The following OR4K2 variants were observed in gnomAD, a reference collection of about 807,000 sequenced individuals.
The protein encoded by OR4K2 is olfactory receptor 4K2.
A neutral mutation model predicts 10.5 loss-of-function variants in OR4K2; 8 were observed. The observed-to-expected ratio is 0.76, with a 90% CI of 0.45 to 1.37. The LOEUF is 1.37. Among genes scored for constraint, OR4K2 ranks in the 40% most tolerant of loss-of-function variants. The probability of loss-of-function intolerance (pLI) is 0.00; values close to 1 mark genes in which losing one functional copy is unlikely to be tolerated. For synonymous variants in OR4K2, 178 were observed against 133.6 expected (o/e 1.33, Z -2.29); for missense variants, 547 against 379.5 (o/e 1.44, Z -3.67).
Position 19,882,884 on chromosome 14 carries a change from G to A in OR4K2, c.*5672G>A, listed in dbSNP as rs1881073870. ...GCTCTGTCGCCCAGGCTGGAGTGCA[G>A]TAGCGTGATCTCCGCTCATTGCAAA... On this transcript the variant is annotated 3_prime_UTR_variant, in exon 2 of 2. Transcript: ENST00000641885. 1 of 138,610 alleles carries A rather than the reference G, an allele frequency of 7.2e-6. No homozygotes were observed. Among genetic ancestry groups the A allele is most frequent in the African/African-American group, 2.7e-5 (1 of 36,516 alleles). 8.6% of individuals were successfully genotyped at this position (138,610 alleles called of 1,614,324 possible).
chr14:19,883,266 A>G lies in OR4K2; in HGVS notation c.*6054A>G, dbSNP rs889142281. On this transcript the variant is annotated 3_prime_UTR_variant, in exon 2 of 2. Coordinates refer to ENST00000641885, the MANE Select transcript of OR4K2 (RefSeq NM_001005501.2). ...GTCTTGCTTTATCTCTTTGGGAATG[A>G]TAGTGCTGTTGTTGCTGTAGTAGTT... 3 of 152,272 alleles carry G rather than the reference A, an allele frequency of 2.0e-5. No individual in the cohort carries two copies. Among genetic ancestry groups the G allele is most frequent in the Non-Finnish European group, 4.4e-5 (3 of 68,064 alleles). 9.4% of individuals were successfully genotyped at this position (152,272 alleles called of 1,614,324 possible).
chr14:19,877,025 C>T lies in OR4K2; in HGVS notation c.758C>T (p.Pro253Leu). The T allele has an allele frequency of 6.2e-7, 1 of 1,613,532 alleles. No individual in the cohort carries two copies. The highest frequency in any genetic ancestry group is 8.5e-7 in the Non-Finnish European group (1 of 1,179,948). ...HFIVVFLFFG[P>L]CIFIYMWPLS... ...ATTGTTGTCTTCTTGTTCTTTGGGC[C>T]ATGCATCTTCATCTACATGTGGCCA... The change falls in exon 2 of 2, where the codon CCA (proline) becomes CTA (leucine). Residue 253 changes from proline to leucine, a missense_variant. Pro to Leu is a moderately conservative substitution (Grantham distance 98, BLOSUM62 -3). Coordinates refer to ENST00000641885, the MANE Select transcript of OR4K2 (RefSeq NM_001005501.2).
In OR4K2 at chr14:19,877,158, C is replaced by T; in HGVS notation, c.891C>T (p.Ala297=). 1 of 1,599,702 alleles carries T rather than the reference C, an allele frequency of 6.3e-7. No homozygotes were observed. Among genetic ancestry groups the T allele is most frequent in the South Asian group, 1.1e-5 (1 of 90,256 alleles). Residue 297 remains alanine, a synonymous_variant, in exon 2 of 2, where the codon GCC becomes GCT. Coordinates refer to ENST00000641885, the MANE Select transcript of OR4K2 (RefSeq NM_001005501.2). ...TGAGGAATCAAGAAGTAAAGATAGC[C>T]ATGAGGAAACTGAAAAATAGGTTTC... ...YTLRNQEVKI[A]MRKLKNRFLN...
Position 19,877,026 on chromosome 14 carries a change from A to G in OR4K2, c.759A>G (p.Pro253=), listed in dbSNP as rs1422510208. ...TTGTTGTCTTCTTGTTCTTTGGGCC[A>G]TGCATCTTCATCTACATGTGGCCAC... The part of the protein sequence containing the change: ...HFIVVFLFFG[P]CIFIYMWPLS... Residue 253 remains proline, a synonymous_variant, in exon 2 of 2, where the codon CCA becomes CCG. Transcript: ENST00000641885. 7 of 1,613,424 alleles carry G rather than the reference A, an allele frequency of 4.3e-6. No individual in the cohort carries two copies. In the East Asian group the frequency reaches 8.9e-5, roughly 21 times the overall value.
rs1880989769 is a variant in OR4K2, at chr14:19,879,599, G to A, written c.*2387G>A. The A allele has an allele frequency of 6.6e-6, 1 of 152,234 alleles. No individual in the cohort carries two copies. Among genetic ancestry groups the A allele is most frequent in the Admixed American group, 6.5e-5 (1 of 15,278 alleles). The allele number at this position is 152,234 out of a possible 1,614,324, so 9.4% of individuals were successfully genotyped here. A position where few individuals can be genotyped will look rare whatever the true frequency, so the allele number is the denominator to read the frequency against. ...ACTTCATCTTCCTCTACGTGTTTAG[G>A]AAGCTGTGAAGCTTGACAACAATTG... On this transcript the variant is annotated 3_prime_UTR_variant, in exon 2 of 2. Coordinates refer to ENST00000641885, the MANE Select transcript of OR4K2 (RefSeq NM_001005501.2).
rs1355732323 is a variant in OR4K2, at chr14:19,877,737, A to G, written c.*525A>G. 6.5e-6 allele frequency: 1 copy of G among 152,934 alleles called. No homozygotes were observed. Among genetic ancestry groups the G allele is most frequent in the Non-Finnish European group, 1.5e-5 (1 of 68,600 alleles). 9.5% of individuals were successfully genotyped at this position (152,934 alleles called of 1,614,324 possible). A position where few individuals can be genotyped will look rare whatever the true frequency, so the allele number is the denominator to read the frequency against. ...TCTCTTCTATTAAAGAAAACTCTAG[A>G]TATATTTTATTTCGAATGTTAATGA... On this transcript the variant is annotated 3_prime_UTR_variant, in exon 2 of 2. Transcript: ENST00000641885.
chr14:19,877,030 A>G lies in OR4K2; in HGVS notation c.763A>G (p.Ile255Val), dbSNP rs776955738. 2 of 1,613,484 alleles carry G rather than the reference A, an allele frequency of 1.2e-6. No individual in the cohort carries two copies. The highest frequency in any genetic ancestry group is 2.2e-5 in the East Asian group (1 of 44,878). ...IVVFLFFGPC[I>V]FIYMWPLSSF... The stretch of plus-strand genomic sequence containing the variant: ...TGTCTTCTTGTTCTTTGGGCCATGC[A>G]TCTTCATCTACATGTGGCCACTAAG... The change falls in exon 2 of 2, where the codon ATC becomes GTC. Residue 255 changes from isoleucine (I) to valine (V), a missense_variant. Transcript: ENST00000641885.
In OR4K2 at chr14:19,876,148, G is replaced by T; in HGVS notation, c.-24+14G>T. 1 of 839,300 alleles carries T rather than the reference G, an allele frequency of 1.2e-6. No individual in the cohort carries two copies. The highest frequency in any genetic ancestry group is 1.8e-5 in the South Asian group (1 of 55,736). 52.0% of individuals were successfully genotyped at this position (839,300 alleles called of 1,614,324 possible). On this transcript the variant is annotated intron_variant, in intron 1 of 1. Transcript: ENST00000641885. ...AGAATAGTCAAGGTAAGTTTTATGAGAAGATAAAATTTCTGAAAGTAGATA... is the reference window on the plus strand; with the variant it reads ...AGAATAGTCAAGGTAAGTTTTATGATAAGATAAAATTTCTGAAAGTAGATA...
rs770351549 is a variant in OR4K2, at chr14:19,876,446, A to C, written c.179A>C (p.Tyr60Ser). 27 of 1,614,002 alleles carry C rather than the reference A, an allele frequency of 1.7e-5. No individual in the cohort carries two copies. The South Asian group carries it at 3.0e-4, about 18-fold the overall frequency. ...IVDPHLHSPM[Y>S]FLLTNLSIID... The stretch of plus-strand genomic sequence containing the variant: ...GACCCTCACCTACACTCTCCTATGT[A>C]TTTCCTGCTTACCAATCTTTCAATC... Residue 60 changes from tyrosine to serine, a missense_variant, in exon 2 of 2, where the codon TAT becomes TCT. Transcript: ENST00000641885.
In OR4K2 at chr14:19,878,079, T is replaced by C. The variant is rs984799211; in HGVS notation, c.*867T>C. 1 of 152,254 alleles carries C rather than the reference T, an allele frequency of 6.6e-6. No homozygotes were observed. Among genetic ancestry groups the C allele is most frequent in the Non-Finnish European group, 1.5e-5 (1 of 68,032 alleles). 9.4% of individuals were successfully genotyped at this position (152,254 alleles called of 1,614,324 possible). On this transcript the variant is annotated 3_prime_UTR_variant, in exon 2 of 2. Coordinates refer to ENST00000641885, the MANE Select transcript of OR4K2 (RefSeq NM_001005501.2). ...CATTTTGGTTATTTTTTTCTTGAAA[T>C]ATTTGGATGTAAAAATAATGAATCT...
rs547526114 is a variant in OR4K2, at chr14:19,878,633, A to G, written c.*1421A>G. The stretch of plus-strand genomic sequence containing the variant: ...TCATTAATGTACTAAGCAAATAAGG[A>G]AAAAACTTACAGCTTGAAAGTCTGT... On this transcript the variant is annotated 3_prime_UTR_variant, in exon 2 of 2. Transcript: ENST00000641885. 3.3e-5 allele frequency: 5 copies of G among 150,872 alleles called. No homozygotes were observed. In the South Asian group the frequency reaches 1.1e-3, roughly 33 times the overall value. 9.3% of individuals were successfully genotyped at this position (150,872 alleles called of 1,614,324 possible).
At position 19,876,979 on chromosome 14, in the gene OR4K2, T is replaced by A. The variant is rs1880922056; in HGVS notation, c.712T>A (p.Ser238Thr). The change falls in exon 2 of 2, where the codon TCT (serine) becomes ACT (threonine). Residue 238 changes from serine to threonine, a missense_variant. Coordinates refer to ENST00000641885, the MANE Select transcript of OR4K2 (RefSeq NM_001005501.2). Reference protein sequence around the residue: ...HSSRGSSKALSTCTAHFIVVF... With the variant: ...HSSRGSSKALTTCTAHFIVVF... ...TTCCAGAGGATCATCTAAGGCCCTT[T>A]CTACTTGTACAGCTCATTTCATTGT... The A allele has an allele frequency of 1.2e-6, 2 of 1,613,908 alleles. No individual in the cohort carries two copies. The highest frequency in any genetic ancestry group is 3.3e-5 in the Admixed American group (2 of 59,998).
Position 19,879,184 on chromosome 14 carries a change from T to G in OR4K2, c.*1972T>G, listed in dbSNP as rs528886887. ...AATAAAAAGGATTACAGAAAGCCTT[T>G]GGAGGGCTTACATATATAAATGGAA... On this transcript the variant is annotated 3_prime_UTR_variant, in exon 2 of 2. Coordinates refer to ENST00000641885, the MANE Select transcript of OR4K2 (RefSeq NM_001005501.2). The G allele has an allele frequency of 6.6e-6, 1 of 152,292 alleles. No homozygotes were observed. The highest frequency in any genetic ancestry group is 2.1e-4 in the South Asian group (1 of 4,826). 9.4% of individuals were successfully genotyped at this position (152,292 alleles called of 1,614,324 possible).
rs1341189045 is a variant in OR4K2 at position 19,880,202 on chromosome 14, T to A, written c.*2990T>A. 1 of 152,702 alleles carries A rather than the reference T, an allele frequency of 6.5e-6. No individual in the cohort carries two copies. Among genetic ancestry groups the A allele is most frequent in the African/African-American group, 2.4e-5 (1 of 41,460 alleles). The allele number at this position is 152,702 out of a possible 1,614,324, so 9.5% of individuals were successfully genotyped here. ...TTAAAAGGCTCTGCAGAATCTGAAG[T>A]CTAATGTGTAGTTTTAAAAGTCTTA... On this transcript the variant is annotated 3_prime_UTR_variant, in exon 2 of 2. Coordinates refer to ENST00000641885, the MANE Select transcript of OR4K2 (RefSeq NM_001005501.2).
At position 19,882,150 on chromosome 14, in the gene OR4K2, T is replaced by C. The variant is rs970950129; in HGVS notation, c.*4938T>C. ...CACTCCTTCATCACCCTCAGCACTC[T>C]TGAAGGTGGTGAATAGTCACTGGAC... On this transcript the variant is annotated 3_prime_UTR_variant, in exon 2 of 2. Transcript: ENST00000641885. 6.6e-6 allele frequency: 1 copy of C among 152,426 alleles called. No homozygotes were observed. Among genetic ancestry groups the C allele is most frequent in the Non-Finnish European group, 1.5e-5 (1 of 68,128 alleles). The allele number at this position is 152,426 out of a possible 1,614,324, so 9.4% of individuals were successfully genotyped here. A position where few individuals can be genotyped will look rare whatever the true frequency, so the allele number is the denominator to read the frequency against.
In OR4K2 at chr14:19,878,615, T is replaced by C. The variant is rs989669529; in HGVS notation, c.*1403T>C. ...AGTTTGTGTTTTATTTCTTCATTAATGTACTAAGCAAATAAGGAAAAAACT... is the reference window on the plus strand; with the variant it reads ...AGTTTGTGTTTTATTTCTTCATTAACGTACTAAGCAAATAAGGAAAAAACT... On this transcript the variant is annotated 3_prime_UTR_variant, in exon 2 of 2. Coordinates refer to ENST00000641885, the MANE Select transcript of OR4K2 (RefSeq NM_001005501.2). 1.3e-5 allele frequency: 2 copies of C among 152,212 alleles called. No individual in the cohort carries two copies. Among genetic ancestry groups the C allele is most frequent in the Non-Finnish European group, 2.9e-5 (2 of 68,012 alleles). 9.4% of individuals were successfully genotyped at this position (152,212 alleles called of 1,614,324 possible). A position where few individuals can be genotyped will look rare whatever the true frequency, so the allele number is the denominator to read the frequency against.
rs1186489121 is a variant in OR4K2, at chr14:19,882,570, C to A, written c.*5358C>A. 1 of 152,208 alleles carries A rather than the reference C, an allele frequency of 6.6e-6. No homozygotes were observed. Among genetic ancestry groups the A allele is most frequent in the Non-Finnish European group, 1.5e-5 (1 of 68,044 alleles). 9.4% of individuals were successfully genotyped at this position (152,208 alleles called of 1,614,324 possible). On this transcript the variant is annotated 3_prime_UTR_variant, in exon 2 of 2. Transcript: ENST00000641885. ...TCACATTTCAAGTCACAAAATAGAA[C>A]TTCGCCAGCCACCCCTGAAGTCCTC...
Position 19,881,164 on chromosome 14 carries a change from T to C in OR4K2, c.*3952T>C, listed in dbSNP as rs1252355312. ...CCCTGATATTATTTTGCATGATTTT[T>C]GGATGTATATGTCAATTGAAAAACG... On this transcript the variant is annotated 3_prime_UTR_variant, in exon 2 of 2. Coordinates refer to ENST00000641885, the MANE Select transcript of OR4K2 (RefSeq NM_001005501.2). The C allele has an allele frequency of 6.6e-6, 1 of 152,266 alleles. No homozygotes were observed. The highest frequency in any genetic ancestry group is 2.4e-5 in the African/African-American group (1 of 41,478). The allele number at this position is 152,266 out of a possible 1,614,324, so 9.4% of individuals were successfully genotyped here.
rs754847060 is a variant in OR4K2 at position 19,876,311 on chromosome 14, T to TG, written c.48dup (p.Leu17AlafsTer3). The TG allele has an allele frequency of 6.2e-7, 1 of 1,612,204 alleles. No homozygotes were observed. Among genetic ancestry groups the TG allele is most frequent in the South Asian group, 1.1e-5 (1 of 91,028 alleles). ...TCTACCATGTCTGAATTTGTTTTGC[T>TG]GGGGCTCTCTAATTCCTGGGAACTA... On this transcript the variant is annotated frameshift_variant, in exon 2 of 2. Transcript: ENST00000641885. LOFTEE classifies it low-confidence loss of function (END_TRUNC).
Sources: allele counts gnomAD v4.1 joint callset, GRCh38; gene constraint gnomAD v4.1.1; transcripts MANE v1.5; gene names NCBI Gene and HGNC (gene_info 2026-07-23, HGNC 2026-07-21).